Variants in PIWIL3 observed in about 807,000 individuals in gnomAD.
PIWIL3 encodes the protein piwi-like protein 3.
A neutral mutation model predicts 109.7 loss-of-function variants in PIWIL3; 101 were observed. The observed-to-expected ratio is 0.92, with a 90% confidence interval of 0.78 to 1.09. The LOEUF (loss-of-function observed/expected upper bound fraction) is 1.09, where lower values mean the gene tolerates loss of function less well. PIWIL3 is among the 50% of genes least tolerant of loss of function. The pLI is 0.00. For missense variants in PIWIL3, 1,031 were observed against 1,072.6 expected (o/e 0.96, Z 0.54); for synonymous variants, 373 against 376.4 (o/e 0.99, Z 0.10).
At position 24,744,786 on chromosome 22, in the gene PIWIL3, C is replaced by T. The variant is rs180717883; in HGVS notation, c.1449+4121G>A. ...AGCTAAGGAGAGATAGTCCCCAATACGATAATAGCTGGAGACTTTAACATC... is the reference window on the plus strand; with the variant it reads ...AGCTAAGGAGAGATAGTCCCCAATATGATAATAGCTGGAGACTTTAACATC... On this transcript the variant is annotated intron_variant, in intron 12 of 20. Coordinates refer to ENST00000616349, the MANE Select transcript of PIWIL3 (RefSeq NM_001255975.1). Among the ~76,000 whole-genome samples the T allele has an allele frequency of 4.9e-4, 74 of 152,218 alleles. 1 individual carries two copies. The highest frequency in any genetic ancestry group is 7.7e-4 in the East Asian group (4 of 5,180).
At chr22:24,728,684 G>A (rs1046355467) in intron 14 of PIWIL3, among the ~76,000 whole-genome samples, 5 of 152,096 alleles carry the variant, frequency 3.3e-5, no homozygotes, top group Admixed American at 2.0e-4. Flanking sequence ...TGTTATAAGT[G>A]TTTAAATTAT....
rs61469163 is a variant in PIWIL3, at chr22:24,760,780, C to CAAAAAAAAAAAAAA, written c.103-805_103-792dup. ...GGGCAACAAGAGCGAAACTCTGTCT[C>CAAAAAAAAAAAAAA]AAAAAAAAAAAAAAAAAAAAAAAGC... On this transcript the variant is annotated intron_variant, in intron 2 of 20. Transcript: ENST00000616349. Among the ~76,000 whole-genome samples, 37 of 41,028 alleles carry CAAAAAAAAAAAAAA rather than the reference C, an allele frequency of 9.0e-4. 2 individuals are homozygous for CAAAAAAAAAAAAAA. Among genetic ancestry groups the CAAAAAAAAAAAAAA allele is most frequent in the Admixed American group, 1.5e-3 (5 of 3,270 alleles). The allele number at this position is 41,028 out of a possible 152,430, so 26.9% of individuals were successfully genotyped here. A position where few individuals can be genotyped will look rare whatever the true frequency, so the allele number is the denominator to read the frequency against.
chr22:24,749,613 C>T lies in PIWIL3; in HGVS notation c.1216+80G>A, dbSNP rs571356090. On this transcript the variant is annotated intron_variant, in intron 10 of 20. Transcript: ENST00000616349. ...CTGGAGGAACCTACTACCAAGGAGA[C>T]ACCCTTCGAATTCCCTGAAAAGCCT... The T allele has an allele frequency of 5.9e-4, 944 of 1,611,302 alleles. 1 individual carries two copies. Among genetic ancestry groups the T allele is most frequent in the Non-Finnish European group, 7.6e-4 (898 of 1,178,144 alleles).
intron 6 of PIWIL3, among the ~76,000 whole-genome samples, 194 bp downstream of exon 6, chr22:24,755,590 A>G (rs1053112369): frequency 3.9e-5 from 6 of 152,194 alleles, no homozygotes; most frequent in Non-Finnish European, 8.8e-5. Context: ...GGAGAAGAAC[A>G]TTGAGGATAA....
At position 24,745,653 on chromosome 22, in the gene PIWIL3, G is replaced by C. The variant is rs1306057146; in HGVS notation, c.1449+3254C>G. On this transcript the variant is annotated intron_variant, in intron 12 of 20. Transcript: ENST00000616349. Reference sequence around the variant, plus strand: ...AAATTAAAATGAAGAAAATATAAAAGATCAATGAAACAAAAGGTTTTTTGA... The same window carrying C: ...AAATTAAAATGAAGAAAATATAAAACATCAATGAAACAAAAGGTTTTTTGA... 8.5e-5 allele frequency among the ~76,000 whole-genome samples: 10 copies of C among 117,274 alleles called. No homozygotes were observed. In the Admixed American group the frequency reaches 9.3e-4, roughly 11 times the overall value. The allele number at this position is 117,274 out of a possible 152,430, so 76.9% of individuals were successfully genotyped here.
intron 4 of PIWIL3, among the ~76,000 whole-genome samples, chr22:24,757,077 C>T (rs1185548369): frequency 2.0e-4 from 7 of 35,110 alleles, no homozygotes; most frequent in Non-Finnish European, 2.1e-4. Context: ...TAAACTCCGT[C>T]TCAAAAAAAA....
chr22:24,731,598 C>A (rs796520803), intron 14 of PIWIL3, among the ~76,000 whole-genome samples: 1 of 151,504 alleles, frequency 6.6e-6, no homozygotes, highest in Non-Finnish European at 1.5e-5. Context: ...TTGCAGTGAG[C>A]TGAGATCACA....
At position 24,734,107 on chromosome 22, in the gene PIWIL3, A is replaced by C; in HGVS notation, c.1684T>G (p.Tyr562Asp). 2 of 1,612,684 alleles carry C rather than the reference A, an allele frequency of 1.2e-6. No homozygotes were observed. The highest frequency in any genetic ancestry group is 2.2e-5 in the South Asian group (2 of 90,490). ...ACCATCTGCAGTGTTGGTCTAGTATATTTCCGTAATGTGTCTATATAGGAG... is the reference window on the plus strand; with the variant it reads ...ACCATCTGCAGTGTTGGTCTAGTATCTTTCCGTAATGTGTCTATATAGGAG... ...ANSYIDTLRK[Y>D]TRPTLQMVIC... The change falls in exon 14 of 21, where the codon TAT becomes GAT. Residue 562 changes from tyrosine (Y) to aspartate (D), a missense_variant. Physicochemically the swap from Tyr to Asp is radical, Grantham distance 160. Transcript: ENST00000616349.
At chr22:24,749,308 TG>T (rs1924562235) in intron 11 of PIWIL3, 95 bp downstream of exon 11, 5 of 1,526,268 alleles carry the variant, frequency 3.3e-6, no homozygotes, top group Non-Finnish European at 4.4e-6. Flanking sequence ...GTCACTTGCT[TG>T]TAGAAGAATC....
rs142530158 is a variant in PIWIL3 at position 24,728,447 on chromosome 22, C to A, written c.1708-73G>T. 9.8e-3 allele frequency: 15,483 copies of A among 1,576,788 alleles called. 119 individuals are homozygous for A. Among genetic ancestry groups the A allele is most frequent in the Non-Finnish European group, 0.012 (14,085 of 1,150,842 alleles). ...TACAGGAAAGAAAAACCATCTGGAG[C>A]AGGCAACTTAGGTGGAAGACTAACA... On this transcript the variant is annotated intron_variant, in intron 14 of 20. Transcript: ENST00000616349.
chr22:24,751,520 G>A, intron 8 of PIWIL3, 22 bp from the exon 9 acceptor site: 2 of 1,601,780 alleles, frequency 1.2e-6, no homozygotes, highest in Non-Finnish European at 1.7e-6. Flanking sequence ...TTACAATATG[G>A]TATTATTTGA....
chr22:24,734,838 GA>G (rs201839278), intron 13 of PIWIL3, among the ~76,000 whole-genome samples: 1 of 121,816 alleles, frequency 8.2e-6, no homozygotes, highest in East Asian at 2.5e-4. Flanking sequence ...TTTTTTTTTA[GA>G]AAAAAAAACC....
intron 2 of PIWIL3, 30 bp from the exon 3 acceptor site, chr22:24,760,019 G>T: frequency 6.2e-7 from 1 of 1,612,846 alleles, no homozygotes. Context: ...GAAATAATGA[G>T]CAGTGCCCTA....
rs148073434 is a variant in PIWIL3, at chr22:24,740,005, G to T, written c.1450-4113C>A. Among the ~76,000 whole-genome samples the T allele has an allele frequency of 3.4e-3, 496 of 144,798 alleles. 4 individuals are homozygous for T. Among genetic ancestry groups the T allele is most frequent in the African/African-American group, 0.012 (474 of 38,490 alleles). 95.0% of individuals were successfully genotyped at this position (144,798 alleles called of 152,430 possible). ...GGTGGAGCTTGCACTGAGCCAAGATGGTGCCCACTGCACCCCAGCCTGGGG... is the reference window on the plus strand; with the variant it reads ...GGTGGAGCTTGCACTGAGCCAAGATTGTGCCCACTGCACCCCAGCCTGGGG... On this transcript the variant is annotated intron_variant, in intron 12 of 20. Coordinates refer to ENST00000616349, the MANE Select transcript of PIWIL3 (RefSeq NM_001255975.1).
intron 1 of PIWIL3, among the ~76,000 whole-genome samples, chr22:24,762,851 G>T (rs1006176775): frequency 6.6e-6 from 1 of 152,068 alleles, no homozygotes; most frequent in African/African-American, 2.4e-5. Flanking sequence ...CTCCAAGGCA[G>T]GGAATTAACC....
rs56032751 is a variant in PIWIL3 at position 24,762,478 on chromosome 22, G to A, written c.22C>T (p.Arg8Cys). 19,221 of 1,613,548 alleles carry A rather than the reference G, an allele frequency of 0.012. 144 individuals are homozygous for A. Among genetic ancestry groups the A allele is most frequent in the Non-Finnish European group, 0.015 (17,350 of 1,179,842 alleles). MPGRART[R>C]ARGRARRRES... Reference sequence around the variant, plus strand: ...CTGCGGCGGGCTCTGCCTCGGGCGCGAGTCCTTGCCCTACCAGGCATTGTG... The same window carrying A: ...CTGCGGCGGGCTCTGCCTCGGGCGCAAGTCCTTGCCCTACCAGGCATTGTG... Residue 8 changes from arginine (R) to cysteine (C), a missense_variant, in exon 2 of 21, where the codon CGC (arginine) becomes TGC (cysteine). By Grantham distance (180) the Arg-to-Cys change is radical. Transcript: ENST00000616349.
At position 24,757,936 on chromosome 22, in the gene PIWIL3, A is replaced by T; in HGVS notation, c.327T>A (p.Asp109Glu). The change falls in exon 4 of 21, where the codon GAT becomes GAA. Residue 109 changes from aspartate (D) to glutamate (E), a missense_variant. Transcript: ENST00000616349. ...TTTTTGAGTCTTTAACATGCTTCAT[A>T]TCTTGCCTGGTGTTCACCACCAGGT... ...FQDLVVNTRQ[D>E]MKHVKDSKTG... The T allele has an allele frequency of 6.2e-7, 1 of 1,613,382 alleles. No homozygotes were observed.
chr22:24,761,096 G>A (rs1380811723), intron 2 of PIWIL3, among the ~76,000 whole-genome samples: 1 of 152,136 alleles, frequency 6.6e-6, no homozygotes, highest in Non-Finnish European at 1.5e-5. Flanking sequence ...ATGCTGGGGA[G>A]GGCAGGTTGG....
rs560135573 is a variant in PIWIL3 at position 24,746,969 on chromosome 22, G to GA, written c.1449+1937dup. Among the ~76,000 whole-genome samples, 9 of 152,042 alleles carry GA rather than the reference G, an allele frequency of 5.9e-5. No individual in the cohort carries two copies. The East Asian group carries it at 1.7e-3, about 29-fold the overall frequency. On this transcript the variant is annotated intron_variant, in intron 12 of 20. Coordinates refer to ENST00000616349, the MANE Select transcript of PIWIL3 (RefSeq NM_001255975.1). ...ACCAAGGGTATTCTTTATAGAAACA[G>GA]AAAAAACTATCCTAAAACTTATTTT...
Sources: allele counts gnomAD v4.1 joint callset (sites outside exome capture counted in the v4.1 genomes callset), GRCh38; gene constraint gnomAD v4.1.1; transcripts MANE v1.5; gene names NCBI Gene and HGNC (gene_info 2026-07-23, HGNC 2026-07-21).